The following IGSF10 variants were observed in gnomAD, a reference collection of about 807,000 sequenced individuals.
IGSF10 encodes calvaria mechanical force protein 608.
Under a neutral mutation model 128.2 loss-of-function variants are expected in IGSF10, and 126 were observed. That is an observed-to-expected ratio of 0.98 (90% confidence interval 0.85 to 1.14). The LOEUF is 1.14. Among genes scored for constraint, IGSF10 ranks in the 50% most tolerant of loss-of-function variants. IGSF10 has a pLI of 0.00. For synonymous variants in IGSF10, 1,185 were observed against 1,146.2 expected (o/e 1.03, Z -0.68); for missense variants, 3,295 against 3,149.8 (o/e 1.05, Z -1.10).
chr3:151,547,368 G>A, the IGSF10 span, among the ~76,000 whole-genome samples: 3 of 151,384 alleles, frequency 2.0e-5, no homozygotes, highest in Admixed American at 2.0e-4. Flanking sequence ...CCTGAAGTTA[G>A]TAATTAATCT....
the IGSF10 span, among the ~76,000 whole-genome samples, chr3:151,583,937 C>T: frequency 4.6e-5 from 7 of 151,988 alleles, no homozygotes; most frequent in Admixed American, 1.3e-4. Flanking sequence ...TTCTGTCATT[C>T]GATGGTATAT....
chr3:151,514,394 T>C, the IGSF10 span, among the ~76,000 whole-genome samples: 3 of 152,144 alleles, frequency 2.0e-5, no homozygotes, highest in Non-Finnish European at 4.4e-5. Context: ...TAATAAATGG[T>C]GCTGGGAAAA....
the IGSF10 span, among the ~76,000 whole-genome samples, chr3:151,476,522 G>A: frequency 4.6e-5 from 7 of 152,040 alleles, no homozygotes; most frequent in Non-Finnish European, 7.4e-5. Flanking sequence ...GGTATCTTCC[G>A]GCCAGAGGAG....
chr3:151,493,229 GATT>G, the IGSF10 span, among the ~76,000 whole-genome samples: 1 of 152,098 alleles, frequency 6.6e-6, no homozygotes, highest in African/African-American at 2.4e-5. Flanking sequence ...ACAACCTGAG[GATT>G]ATTGTTAATA....
At chr3:151,522,677 G>GA in the IGSF10 span, among the ~76,000 whole-genome samples, 1 of 152,046 alleles carries the variant, frequency 6.6e-6, no homozygotes, top group African/African-American at 2.4e-5. Context: ...GGTATTGATG[G>GA]AAAATACCTC....
At chr3:151,529,552 T>C in the IGSF10 span, among the ~76,000 whole-genome samples, 3 of 152,158 alleles carry the variant, frequency 2.0e-5, no homozygotes, top group Admixed American at 1.3e-4. Context: ...CTGCCGGTGA[T>C]ACCTAGGCAA....
rs1721204413 is a variant in IGSF10, at chr3:151,446,587, C to G, written c.3394G>C (p.Glu1132Gln). ...CCAGTTGGAGTCACTTGGGAAATTT[C>G]AGTCCTGAAATATTTTATTGTGGGT... ...TTPTIKYFRT[E>Q]ISQVTPTGAV... The change falls in exon 6 of 8, where the codon GAA becomes CAA. Residue 1132 changes from glutamate to glutamine, a missense_variant. By Grantham distance (29) the Glu-to-Gln change is conservative. Transcript: ENST00000282466. 6.2e-7 allele frequency: 1 copy of G among 1,614,120 alleles called. No homozygotes were observed. The highest frequency in any genetic ancestry group is 1.3e-5 in the African/African-American group (1 of 75,046).
chr3:151,594,376 C>T, the IGSF10 span, among the ~76,000 whole-genome samples: 1 of 149,310 alleles, frequency 6.7e-6, no homozygotes, highest in Non-Finnish European at 1.5e-5. Flanking sequence ...CTCTGTCGCC[C>T]AGGCTGGAGT....
chr3:151,448,223 G>T lies in IGSF10; in HGVS notation c.1758C>A (p.Phe586Leu), dbSNP rs761553955. Residue 586 changes from phenylalanine to leucine, a missense_variant, in exon 6 of 8, where the codon TTC (phenylalanine) becomes TTA (leucine). Physicochemically the swap from Phe to Leu is conservative, Grantham distance 22. Coordinates refer to ENST00000282466, the MANE Select transcript of IGSF10 (RefSeq NM_178822.5). The stretch of plus-strand genomic sequence containing the variant: ...ATGGAAGATCAAGTGTTTCACCAAT[G>T]AAAACTGTGTGATGAATCCCATTTT... ...YQENGIHHTV[F>L]IGETLDLPCH... The T allele has an allele frequency of 1.2e-6, 2 of 1,614,176 alleles. No homozygotes were observed. The highest frequency in any genetic ancestry group is 1.7e-6 in the Non-Finnish European group (2 of 1,180,010).
the IGSF10 span, among the ~76,000 whole-genome samples, chr3:151,477,053 G>A: frequency 6.6e-6 from 1 of 152,172 alleles, no homozygotes; most frequent in Non-Finnish European, 1.5e-5. Context: ...GGCATTCTGG[G>A]GTATGGAGTT....
the IGSF10 span, among the ~76,000 whole-genome samples, chr3:151,562,553 C>T: frequency 1.3e-5 from 2 of 152,220 alleles, no homozygotes; most frequent in Admixed American, 6.5e-5. Context: ...AAAGATGACA[C>T]ATACTGTTCA....
Position 151,447,527 on chromosome 3 carries a change from T to A in IGSF10, c.2454A>T (p.Ala818=). The A allele has an allele frequency of 6.2e-7, 1 of 1,614,170 alleles. No individual in the cohort carries two copies. The highest frequency in any genetic ancestry group is 8.5e-7 in the Non-Finnish European group (1 of 1,180,016). The stretch of plus-strand genomic sequence containing the variant: ...TTCTGGAGTCAGCAGTCACTGTCCT[T>A]GCTGGAAGGTTCAAAGCTTTAGTGG... ...VPATKALNLP[A]RTVTADSRTI... Residue 818 remains alanine, a synonymous_variant, in exon 6 of 8, where the codon GCA becomes GCT. Coordinates refer to ENST00000282466, the MANE Select transcript of IGSF10 (RefSeq NM_178822.5).
chr3:151,450,037 G>T lies in IGSF10; in HGVS notation c.716-772C>A, dbSNP rs6804516. Among the ~76,000 whole-genome samples the T allele has an allele frequency of 3.7e-3, 559 of 152,312 alleles. 3 individuals carry two copies. The highest frequency in any genetic ancestry group is 0.013 in the African/African-American group (530 of 41,574). On this transcript the variant is annotated intron_variant, in intron 5 of 7. Coordinates refer to ENST00000282466, the MANE Select transcript of IGSF10 (RefSeq NM_178822.5). ...TTTAAGGGGGAGGGAAGAACATTTT[G>T]CCAAGGCAGTGGGGAGGCTCATTAA...
the IGSF10 span, among the ~76,000 whole-genome samples, chr3:151,507,623 G>A: frequency 6.6e-6 from 1 of 152,060 alleles, no homozygotes; most frequent in Non-Finnish European, 1.5e-5. Flanking sequence ...ACGATGGCAG[G>A]AACGAGACAA....
At chr3:151,454,004 T>C (rs1347840316) in intron 4 of IGSF10, among the ~76,000 whole-genome samples, 1 of 138,638 alleles carries the variant, frequency 7.2e-6, no homozygotes, top group East Asian at 2.1e-4. Flanking sequence ...TATATATATT[T>C]CTTTTTTTCT....
chr3:151,458,094 G>A (rs1022639171), intron 3 of IGSF10, among the ~76,000 whole-genome samples: 3 of 151,574 alleles, frequency 2.0e-5, no homozygotes, highest in Admixed American at 6.6e-5. Context: ...AAACCAAAGG[G>A]CCTATAAAAA....
chr3:151,504,347 A>C, the IGSF10 span, among the ~76,000 whole-genome samples: 1 of 152,216 alleles, frequency 6.6e-6, no homozygotes, highest in African/African-American at 2.4e-5. Flanking sequence ...GGGAATGAGA[A>C]ATTCTAACAT....
the IGSF10 span, among the ~76,000 whole-genome samples, chr3:151,472,498 T>C: frequency 1.3e-5 from 2 of 152,182 alleles, no homozygotes; most frequent in African/African-American, 4.8e-5. Flanking sequence ...ACCCTCACTC[T>C]TCTGAAAAGG....
the IGSF10 span, among the ~76,000 whole-genome samples, chr3:151,505,655 A>G: frequency 6.6e-6 from 1 of 152,324 alleles, no homozygotes; most frequent in South Asian, 2.1e-4. Context: ...GTTACAGTGG[A>G]CATTGCAAAT....
Sources: gnomAD v4.1 joint callset for allele counts (sites outside exome capture counted in the v4.1 genomes callset) on GRCh38, gnomAD v4.1.1 for gene constraint, MANE v1.5 for transcripts, NCBI Gene and HGNC (gene_info 2026-07-23, HGNC 2026-07-21) for gene names.